Variants in NME7 observed in about 807,000 individuals in gnomAD.
NME7 encodes the protein NME/NM23 family member 7.
NME7 carries 41 observed loss-of-function variants against 49.1 expected under a neutral mutation model. That is an observed-to-expected ratio of 0.83 (90% CI 0.65 to 1.08). The LOEUF is 1.08. Among genes scored for constraint, NME7 ranks in the 50% least tolerant of loss-of-function variants. NME7 has a pLI of 0.00. For missense variants in NME7, 423 were observed against 463.4 expected (o/e 0.91, Z 0.80); for synonymous variants, 139 against 150.6 (o/e 0.92, Z 0.56).
At chr1:169,365,219 C>A (rs1653807967) in intron 1 of NME7, among the ~76,000 whole-genome samples, 1 of 152,154 alleles carries the variant, frequency 6.6e-6, no homozygotes, top group Non-Finnish European at 1.5e-5. Context: ...CATTCCCTAC[C>A]AACCTGCCCA....
chr1:169,333,901 A>T (rs1652361737), intron 1 of NME7, among the ~76,000 whole-genome samples: 1 of 152,166 alleles, frequency 6.6e-6, no homozygotes. Flanking sequence ...CAACACAACC[A>T]CAACAATAAA....
At chr1:169,301,862 AAAC>A (rs1237810967) in intron 5 of NME7, 1 of 152,172 alleles carries the variant, frequency 6.6e-6, no homozygotes, top group Non-Finnish European at 1.5e-5. Flanking sequence ...AGTAGGAGCT[AAAC>A]ATTAAACACA....
At position 169,233,518 on chromosome 1, in the gene NME7, C is replaced by T. The variant is rs537317325; in HGVS notation, c.888+1613G>A. The stretch of plus-strand genomic sequence containing the variant: ...CCATTTTCATGACTTTGAGGATTTA[C>T]GATACACAACATCAAAGTAAAATAA... On this transcript the variant is annotated intron_variant, in intron 9 of 11. Coordinates refer to ENST00000367811, the MANE Select transcript of NME7 (RefSeq NM_013330.5). Among the ~76,000 whole-genome samples, 29 of 152,120 alleles carry T rather than the reference C, an allele frequency of 1.9e-4. No homozygotes were observed. In the South Asian group the frequency reaches 4.8e-3, roughly 25 times the overall value.
chr1:169,356,195 C>G (rs952551972), intron 1 of NME7, among the ~76,000 whole-genome samples: 7 of 152,106 alleles, frequency 4.6e-5, no homozygotes, highest in African/African-American at 1.7e-4. Flanking sequence ...AATACAATAC[C>G]TACTTCCAAG....
chr1:169,217,422 A>G (rs1324982868), intron 10 of NME7, among the ~76,000 whole-genome samples: 1 of 152,200 alleles, frequency 6.6e-6, no homozygotes, highest in Non-Finnish European at 1.5e-5. Flanking sequence ...TCCATTAATA[A>G]TTTTTGTATT....
chr1:169,207,792 G>A (rs1168775468), intron 10 of NME7, among the ~76,000 whole-genome samples: 8 of 152,086 alleles, frequency 5.3e-5, no homozygotes, highest in Non-Finnish European at 2.9e-5. Flanking sequence ...ATCTGATGCG[G>A]TGGGGAAGGG....
intron 11 of NME7, among the ~76,000 whole-genome samples, chr1:169,157,329 C>T (rs372096537): frequency 2.7e-4 from 41 of 152,284 alleles, no homozygotes; most frequent in African/African-American, 9.4e-4. Flanking sequence ...GTCCTCAAGG[C>T]ACTTACACAA....
intron 10 of NME7, among the ~76,000 whole-genome samples, chr1:169,187,451 T>C (rs548597295): frequency 6.6e-6 from 1 of 152,324 alleles, no homozygotes; most frequent in African/African-American, 2.4e-5. Flanking sequence ...CATATATATT[T>C]AGGATAGTTA....
intron 7 of NME7, among the ~76,000 whole-genome samples, chr1:169,244,223 T>C (rs1648210909): frequency 6.6e-6 from 1 of 152,188 alleles, no homozygotes; most frequent in South Asian, 2.1e-4. Flanking sequence ...TTAAGATTTC[T>C]TTCCTTCTTA....
intron 1 of NME7, among the ~76,000 whole-genome samples, chr1:169,329,732 TAAA>T (rs1652188163): frequency 6.6e-6 from 1 of 152,058 alleles, no homozygotes; most frequent in South Asian, 2.1e-4. Context: ...TTATTGGTCT[TAAA>T]GAAGAAGTAG....
At chr1:169,306,590 T>A (rs560994397) in intron 4 of NME7, among the ~76,000 whole-genome samples, 1 of 152,298 alleles carries the variant, frequency 6.6e-6, no homozygotes, top group African/African-American at 2.4e-5. Flanking sequence ...GCAAGATGAA[T>A]CTAGGATCAC....
chr1:169,272,319 A>G (rs1649517595), intron 7 of NME7, among the ~76,000 whole-genome samples: 1 of 133,320 alleles, frequency 7.5e-6, no homozygotes, highest in South Asian at 2.3e-4. Context: ...TCTGGGACAC[A>G]TGTGCATGAT....
chr1:169,320,803 C>T (rs1473916651), intron 3 of NME7, among the ~76,000 whole-genome samples: 1 of 152,104 alleles, frequency 6.6e-6, no homozygotes, highest in Non-Finnish European at 1.5e-5. Flanking sequence ...CCAAATACTT[C>T]AAATTTGTTT....
rs112886275 is a variant in NME7 at position 169,313,895 on chromosome 1, G to C, written c.279-3815C>G. Among the ~76,000 whole-genome samples, 90 of 152,160 alleles carry C rather than the reference G, an allele frequency of 5.9e-4. 1 individual carries two copies. The highest frequency in any genetic ancestry group is 2.1e-3 in the African/African-American group (89 of 41,534). On this transcript the variant is annotated intron_variant, in intron 3 of 11. Transcript: ENST00000367811. ...AAATGGAATAAGCAGATCTGAAAAA[G>C]AATATATTAGAATATCTTGTGATGA...
At chr1:169,199,278 A>T (rs2101775097) in intron 10 of NME7, among the ~76,000 whole-genome samples, 1 of 151,956 alleles carries the variant, frequency 6.6e-6, no homozygotes, top group East Asian at 1.9e-4. Context: ...TACATAAATT[A>T]TCTCACTTAT....
intron 7 of NME7, among the ~76,000 whole-genome samples, chr1:169,254,911 G>A (rs1247782017): frequency 7.7e-6 from 1 of 130,404 alleles, no homozygotes; most frequent in Non-Finnish European, 1.7e-5. Context: ...TAGTTTGATT[G>A]CACTGTGGTG....
intron 6 of NME7, among the ~76,000 whole-genome samples, chr1:169,288,233 T>C (rs184150229): frequency 1.3e-5 from 2 of 152,204 alleles, no homozygotes; most frequent in Non-Finnish European, 2.9e-5. Flanking sequence ...CATCAAATCA[T>C]AAATTTGAAA....
At chr1:169,341,422 C>T (rs1652695093) in intron 1 of NME7, among the ~76,000 whole-genome samples, 1 of 152,220 alleles carries the variant, frequency 6.6e-6, no homozygotes, top group South Asian at 2.1e-4. Flanking sequence ...AAGTCTGCTG[C>T]TGGGGCAGAG....
chr1:169,132,828 G>T lies in NME7; in HGVS notation c.1099-11C>A. The T allele has an allele frequency of 6.2e-7, 1 of 1,612,432 alleles. No homozygotes were observed. The highest frequency in any genetic ancestry group is 8.5e-7 in the Non-Finnish European group (1 of 1,179,268). On this transcript the variant is annotated splice_polypyrimidine_tract_variant and intron_variant, in intron 11 of 11. Transcript: ENST00000367811. ...GAAGAAGTATTGAACCTGAAACGGA[G>T]AAACACATAATTTCTTAGTTCAGAC...
Sources: gnomAD v4.1 joint callset for allele counts (sites outside exome capture counted in the v4.1 genomes callset) on GRCh38, gnomAD v4.1.1 for gene constraint, MANE v1.5 for transcripts, NCBI Gene and HGNC (gene_info 2026-07-23, HGNC 2026-07-21) for gene names.